The following WDR19 variants were observed in gnomAD, a reference collection of about 807,000 sequenced individuals.
The protein encoded by WDR19 is WD repeat-containing protein 19.
Under a neutral mutation model 180.0 loss-of-function variants are expected in WDR19, and 121 were observed. The observed-to-expected ratio is 0.67, with a 90% CI of 0.58 to 0.78. The LOEUF (loss-of-function observed/expected upper bound fraction) is 0.78, where lower values mean the gene tolerates loss of function less well. WDR19 is among the 30% of genes least tolerant of loss of function. The pLI is 0.00. For synonymous variants in WDR19, 497 were observed against 540.7 expected, an observed-to-expected ratio of 0.92 and a Z score of 1.12; for missense variants, 1,450 against 1,640.7, an observed-to-expected ratio of 0.88 and a Z score of 2.01.
chr4:39,193,254 C>T (rs1405229109), intron 4 of WDR19, among the ~76,000 whole-genome samples: 4 of 151,328 alleles, frequency 2.6e-5, no homozygotes, highest in Non-Finnish European at 5.9e-5. Context: ...CTCCGCCTCC[C>T]GGGTTCAAGC....
chr4:39,197,102 A>G (rs1180441308), intron 5 of WDR19, among the ~76,000 whole-genome samples: 2 of 152,134 alleles, frequency 1.3e-5, no homozygotes, highest in African/African-American at 4.8e-5. Flanking sequence ...AGGTCCTACT[A>G]TTATTCCCAA....
chr4:39,226,583 T>A (rs1348228093), intron 15 of WDR19, among the ~76,000 whole-genome samples: 2 of 152,204 alleles, frequency 1.3e-5, no homozygotes, highest in Non-Finnish European at 2.9e-5. Flanking sequence ...CCAGACTGCC[T>A]GGGTTCAAAT....
chr4:39,187,168 C>T (rs1725646260), intron 3 of WDR19, among the ~76,000 whole-genome samples: 1 of 152,018 alleles, frequency 6.6e-6, no homozygotes. Flanking sequence ...TGCCTGTAAT[C>T]CCAGCACTTT....
intron 33 of WDR19, chr4:39,275,471 G>T (rs1011738453): frequency 5.7e-6 from 1 of 176,716 alleles, no homozygotes; most frequent in Non-Finnish European, 1.2e-5. Flanking sequence ...TCCAGAGCTG[G>T]TGTCACCGTG....
chr4:39,279,130 G>T (rs1424879580), intron 36 of WDR19, among the ~76,000 whole-genome samples: 1 of 152,132 alleles, frequency 6.6e-6, no homozygotes, highest in African/African-American at 2.4e-5. Context: ...CTTACTCGTG[G>T]CCACACATAC....
chr4:39,186,560 C>T lies in WDR19; in HGVS notation c.120C>T (p.Ile40=), dbSNP rs1560470779. The change falls in exon 3 of 37, where the codon ATC becomes ATT. Residue 40 remains isoleucine (I), a synonymous_variant. Transcript: ENST00000399820. ...TCAGAGCTGATTATATTGTGAAAAT[C>T]TTTGATCGCCATGGTCAAAAAAGAA... ...AVTGADYIVK[I]FDRHGQKRSE... The T allele has an allele frequency of 6.6e-7, 1 of 1,521,954 alleles. No individual in the cohort carries two copies. Among genetic ancestry groups the T allele is most frequent in the East Asian group, 2.5e-5 (1 of 39,376 alleles). 94.3% of individuals were successfully genotyped at this position (1,521,954 alleles called of 1,614,324 possible). A position where few individuals can be genotyped will look rare whatever the true frequency, so the allele number is the denominator to read the frequency against.
intron 4 of WDR19, among the ~76,000 whole-genome samples, chr4:39,191,852 C>T (rs143016518): frequency 2.6e-5 from 4 of 152,250 alleles, no homozygotes; most frequent in African/African-American, 9.6e-5. Context: ...TTTTTTGTAA[C>T]CTGTACATTT....
At chr4:39,262,934 GAA>G (rs987577871) in intron 28 of WDR19, among the ~76,000 whole-genome samples, 1 of 148,872 alleles carries the variant, frequency 6.7e-6, no homozygotes, top group African/African-American at 2.5e-5. Flanking sequence ...TTCCCCTGGG[GAA>G]AAAAAAAATC....
chr4:39,270,668 A>G (rs1302765382), intron 31 of WDR19, among the ~76,000 whole-genome samples: 2 of 151,724 alleles, frequency 1.3e-5, no homozygotes, highest in African/African-American at 2.4e-5. Context: ...ATGAGCCACC[A>G]CGCTCAGCTT....
chr4:39,223,721 A>G (rs754371873), intron 14 of WDR19, among the ~76,000 whole-genome samples: 2 of 152,170 alleles, frequency 1.3e-5, no homozygotes, highest in Non-Finnish European at 2.9e-5. Context: ...TGATCTGTGT[A>G]TCTGTTCTTC....
At chr4:39,284,944 G>A (rs1185908773) in intron 36 of WDR19, among the ~76,000 whole-genome samples, 8 of 152,040 alleles carry the variant, frequency 5.3e-5, no homozygotes, top group Non-Finnish European at 1.0e-4. Flanking sequence ...AGCTACTCAG[G>A]AGGCTGAGGC....
At chr4:39,284,517 T>G (rs1029734140) in intron 36 of WDR19, among the ~76,000 whole-genome samples, 1 of 101,894 alleles carries the variant, frequency 9.8e-6, no homozygotes, top group Non-Finnish European at 1.9e-5. Context: ...TTTTTTCTTT[T>G]TTTTAGACAT....
chr4:39,267,062 G>A lies in WDR19; in HGVS notation c.3261+922G>A, dbSNP rs971425387. On this transcript the variant is annotated intron_variant, in intron 29 of 36. Transcript: ENST00000399820. ...TGTGCCACTGCACTCCAGCCTGGGCGACAGAGTGAGACTCCATCTCAAAAA... is the reference window on the plus strand; with the variant it reads ...TGTGCCACTGCACTCCAGCCTGGGCAACAGAGTGAGACTCCATCTCAAAAA... 2.6e-5 allele frequency among the ~76,000 whole-genome samples: 4 copies of A among 152,276 alleles called. No individual in the cohort carries two copies. The East Asian group carries it at 5.8e-4, about 22-fold the overall frequency.
chr4:39,250,220 G>C (rs1191363755), intron 24 of WDR19, among the ~76,000 whole-genome samples: 2 of 152,034 alleles, frequency 1.3e-5, no homozygotes, highest in Non-Finnish European at 2.9e-5. Context: ...ATCAATAAAT[G>C]TAATCCAGCA....
At position 39,245,414 on chromosome 4, in the gene WDR19, C is replaced by G. The variant is rs762413629; in HGVS notation, c.2691C>G (p.Ile897Met). 4.3e-6 allele frequency: 7 copies of G among 1,613,790 alleles called. No homozygotes were observed. In the Admixed American group the frequency reaches 1.0e-4, roughly 23 times the overall value. Reference protein sequence around the residue: ...DLLPHVSSPKIHLQYAKAKEA... With the variant: ...DLLPHVSSPKMHLQYAKAKEA... ...TGCCCCACGTTTCTTCTCCTAAGAT[C>G]CATTTGCAGTATGCCAAAGCCAAGG... The change falls in exon 24 of 37, where the codon ATC becomes ATG. Residue 897 changes from isoleucine (I) to methionine (M), a missense_variant. Physicochemically the swap from Ile to Met is conservative, Grantham distance 10 (BLOSUM62 1). Transcript: ENST00000399820.
chr4:39,267,846 A>C lies in WDR19; in HGVS notation c.3262-149A>C. 11 of 712,244 alleles carry C rather than the reference A, an allele frequency of 1.5e-5. 1 individual carries two copies. In the South Asian group the frequency reaches 1.9e-4, roughly 12 times the overall value. The allele number at this position is 712,244 out of a possible 1,614,324, so 44.1% of individuals were successfully genotyped here. ...TTGAGCTCTGAATAAATGTTTAATAAATAAACGAATTCTTTATTCATTGAG... is the reference window on the plus strand; with the variant it reads ...TTGAGCTCTGAATAAATGTTTAATACATAAACGAATTCTTTATTCATTGAG... On this transcript the variant is annotated intron_variant, in intron 29 of 36. Coordinates refer to ENST00000399820, the MANE Select transcript of WDR19 (RefSeq NM_025132.4).
In WDR19 at chr4:39,253,993, G is replaced by A. The variant is rs775588640; in HGVS notation, c.2964G>A (p.Gln988=). The part of the protein sequence containing the change: ...KCNNEAFTLA[Q]QHNKMEIYAD... ...ACAATGAAGCTTTCACACTGGCTCA[G>A]CAACACAACAAAATGGAAATCTATG... The change falls in exon 26 of 37, where the codon CAG becomes CAA. Residue 988 remains glutamine, a synonymous_variant. Transcript: ENST00000399820. The A allele has an allele frequency of 1.2e-6, 2 of 1,612,250 alleles. No individual in the cohort carries two copies. The highest frequency in any genetic ancestry group is 1.1e-5 in the South Asian group (1 of 90,946).
chr4:39,280,121 T>TG (rs1393463929), intron 36 of WDR19, among the ~76,000 whole-genome samples: 2 of 8,324 alleles, frequency 2.4e-4, no homozygotes, highest in Non-Finnish European at 3.3e-4. Context: ...CTTTTCTTGT[T>TG]TTTTTTTTTT....
At chr4:39,210,782 C>T (rs991520930) in intron 9 of WDR19, among the ~76,000 whole-genome samples, 50 of 152,208 alleles carry the variant, frequency 3.3e-4, no homozygotes, top group African/African-American at 1.2e-3. Flanking sequence ...AAGTCCAGCA[C>T]ACCTTCATGA....
Sources: gnomAD v4.1 joint callset for allele counts (sites outside exome capture counted in the v4.1 genomes callset) on GRCh38, gnomAD v4.1.1 for gene constraint, MANE v1.5 for transcripts, NCBI Gene and HGNC (gene_info 2026-07-23, HGNC 2026-07-21) for gene names.